DLGAP2: variants seen among roughly 807,000 people sequenced by gnomAD.
DLGAP2 encodes the protein disks large-associated protein 2.
Under a neutral mutation model 100.3 loss-of-function variants are expected in DLGAP2, and 26 were observed. That is an observed-to-expected ratio of 0.26 (90% confidence interval 0.19 to 0.36). The LOEUF is 0.36. DLGAP2 is among the 10% of genes least tolerant of loss of function. The pLI is 1.00. For synonymous variants in DLGAP2, 886 were observed against 630.1 expected (o/e 1.41, Z -6.08); for missense variants, 1,858 against 1,453.2 (o/e 1.28, Z -4.53).
chr8:1,104,902 C>G (rs1279307001), intron 2 of DLGAP2: 1 of 152,250 alleles, frequency 6.6e-6, no homozygotes, highest in Non-Finnish European at 1.5e-5. Flanking sequence ...AGAGCACCGG[C>G]AGCTTCCTTC....
chr8:1,598,025 T>G (rs2956940), intron 6 of DLGAP2, among the ~76,000 whole-genome samples: 1 of 151,912 alleles, frequency 6.6e-6, no homozygotes, highest in African/African-American at 2.4e-5. Context: ...TAGCTCTTAT[T>G]GAGATACTTC....
chr8:955,231 C>T (rs1799570013), intron 2 of DLGAP2, among the ~76,000 whole-genome samples: 1 of 152,130 alleles, frequency 6.6e-6, no homozygotes, highest in Non-Finnish European at 1.5e-5. Context: ...TCAGAAACCA[C>T]CTTCCCAGGT....
At chr8:1,593,239 G>A (rs974498692) in intron 6 of DLGAP2, among the ~76,000 whole-genome samples, 1 of 152,046 alleles carries the variant, frequency 6.6e-6, no homozygotes, top group African/African-American at 2.4e-5. Flanking sequence ...TGGATCATGA[G>A]GTCAGGAGAT....
chr8:990,374 ACCCC>A (rs1488629972), intron 2 of DLGAP2, among the ~76,000 whole-genome samples: 1 of 66,432 alleles, frequency 1.5e-5, no homozygotes, highest in Non-Finnish European at 2.9e-5. Flanking sequence ...GACCCCCTGC[ACCCC>A]CATACTCGGA....
In DLGAP2 at chr8:1,701,228, C is replaced by T. The variant is rs562601334; in HGVS notation, c.2990C>T (p.Pro997Leu). Residue 997 changes from proline to leucine, a missense_variant, in exon 15 of 15, where the codon CCC (proline) becomes CTC (leucine). Pro to Leu is a moderately conservative substitution (Grantham distance 98). Coordinates refer to ENST00000637795, the MANE Select transcript of DLGAP2 (RefSeq NM_001346810.2). The stretch of plus-strand genomic sequence containing the variant: ...CCGCCTCCAATACCAAAGAAGCCTC[C>T]CAAGGGGAAGTTTCCCATCACAAGA... ...KVPPPIPKKPPKGKFPITREK... is the reference protein window; with the variant it reads ...KVPPPIPKKPLKGKFPITREK... 35 of 1,576,690 alleles carry T rather than the reference C, an allele frequency of 2.2e-5. No individual in the cohort carries two copies. The East Asian group carries it at 7.1e-4, about 32-fold the overall frequency.
chr8:1,156,611 C>CCAGCCCAGCGCTG (rs67595627), intron 2 of DLGAP2, among the ~76,000 whole-genome samples: 33 of 49,322 alleles, frequency 6.7e-4, no homozygotes, highest in African/African-American at 1.7e-3. Flanking sequence ...GCCTAGCGTC[C>CCAGCCCAGCGCTG]CAGCCCAGCG....
chr8:1,696,322 C>T (rs1402154109), intron 13 of DLGAP2, among the ~76,000 whole-genome samples: 1 of 152,092 alleles, frequency 6.6e-6, no homozygotes, highest in Non-Finnish European at 1.5e-5. Flanking sequence ...GCAACACAGC[C>T]AGACCCCATT....
chr8:1,641,937 A>G (rs1383216732), intron 8 of DLGAP2, among the ~76,000 whole-genome samples: 2 of 110,872 alleles, frequency 1.8e-5, no homozygotes, highest in African/African-American at 9.0e-5. Flanking sequence ...GTCACCCTCG[A>G]CCCCGCCGGT....
intron 3 of DLGAP2, among the ~76,000 whole-genome samples, chr8:1,367,893 G>A (rs765104364): frequency 3.3e-5 from 5 of 152,232 alleles, no homozygotes; most frequent in Admixed American, 6.5e-5. Flanking sequence ...AGAGGGGGCA[G>A]AGAAGTCAGA....
chr8:771,977 A>G (rs1318812851), intron 1 of DLGAP2, among the ~76,000 whole-genome samples: 1 of 152,050 alleles, frequency 6.6e-6, no homozygotes, highest in Non-Finnish European at 1.5e-5. Context: ...ATCATAGCTC[A>G]CTATAGCCTC....
intron 1 of DLGAP2, among the ~76,000 whole-genome samples, chr8:846,623 T>C (rs551878435): frequency 6.6e-6 from 1 of 152,228 alleles, no homozygotes; most frequent in Non-Finnish European, 1.5e-5. Flanking sequence ...TCTTTGACAC[T>C]AACTTTATTT....
intron 2 of DLGAP2, among the ~76,000 whole-genome samples, chr8:1,001,917 G>T (rs772436384): frequency 6.6e-6 from 1 of 152,182 alleles, no homozygotes. Flanking sequence ...AGTGATCCCT[G>T]TTAAAGCGTG....
At chr8:1,495,825 G>A (rs1799528972) in intron 3 of DLGAP2, among the ~76,000 whole-genome samples, 1 of 152,154 alleles carries the variant, frequency 6.6e-6, no homozygotes, top group Admixed American at 6.5e-5. Flanking sequence ...CTAATCACCC[G>A]GACTCAGCGC....
In DLGAP2 at chr8:1,507,224, A is replaced by C. The variant is rs1258746428; in HGVS notation, c.172+5793A>C. On this transcript the variant is annotated intron_variant, in intron 4 of 14. Coordinates refer to ENST00000637795, the MANE Select transcript of DLGAP2 (RefSeq NM_001346810.2). The stretch of plus-strand genomic sequence containing the variant: ...GAGCAGGGGGCAGCGTCCATCAGGG[A>C]GGCTTGGGCCGCGCGGGAGCCCACC... Among the ~76,000 whole-genome samples the C allele has an allele frequency of 3.9e-5, 6 of 152,198 alleles. No homozygotes were observed. In the South Asian group the frequency reaches 1.2e-3, roughly 31 times the overall value.
chr8:1,368,014 T>TTGGTTTTATTTTGGGGATTGAC (rs1802147763), intron 3 of DLGAP2, among the ~76,000 whole-genome samples: 1 of 152,068 alleles, frequency 6.6e-6, no homozygotes, highest in Non-Finnish European at 1.5e-5. Flanking sequence ...TGGGGACTGA[T>TTGGTTTTATTTTGGGGATTGAC]TGGTTTTATT....
intron 2 of DLGAP2, among the ~76,000 whole-genome samples, chr8:1,228,349 A>C (rs1339039170): frequency 6.6e-6 from 1 of 152,252 alleles, no homozygotes; most frequent in African/African-American, 2.4e-5. Context: ...ATCCAGGTTC[A>C]GATGGTCTCA....
Position 1,584,180 on chromosome 8 carries a change from G to C in DLGAP2, c.1442+18286G>C, listed in dbSNP as rs138225001. Among the ~76,000 whole-genome samples the C allele has an allele frequency of 2.6e-5, 4 of 152,080 alleles. No individual in the cohort carries two copies. The South Asian group carries it at 8.3e-4, about 32-fold the overall frequency. ...CACTGGATGAATGGATAAAACCATC[G>C]TCTTATGACTCATTTGTCAGGGATT... On this transcript the variant is annotated intron_variant, in intron 6 of 14. Transcript: ENST00000637795.
At chr8:1,036,535 C>G (rs1364333649) in intron 2 of DLGAP2, among the ~76,000 whole-genome samples, 1 of 152,174 alleles carries the variant, frequency 6.6e-6, no homozygotes, top group Non-Finnish European at 1.5e-5. Flanking sequence ...CGCTGTCCCT[C>G]AGGTGCTGGT....
At chr8:1,093,624 G>T (rs568137167) in intron 2 of DLGAP2, among the ~76,000 whole-genome samples, 3 of 151,272 alleles carry the variant, frequency 2.0e-5, no homozygotes, top group Non-Finnish European at 4.4e-5. Flanking sequence ...CACACCGACA[G>T]CCAGACAGAA....
Sources: allele counts gnomAD v4.1 joint callset (sites outside exome capture counted in the v4.1 genomes callset), GRCh38; gene constraint gnomAD v4.1.1; transcripts MANE v1.5; gene names NCBI Gene and HGNC (gene_info 2026-07-23, HGNC 2026-07-21).